Variants in PLA2G4C observed in about 807,000 individuals in gnomAD.
PLA2G4C encodes the protein cytosolic phospholipase A2 gamma.
PLA2G4C carries 64 observed loss-of-function variants against 73.8 expected under a neutral mutation model. The observed-to-expected ratio is 0.87, with a 90% CI of 0.71 to 1.07. PLA2G4C has a LOEUF of 1.07. PLA2G4C is among the 50% of genes least tolerant of loss of function. The probability of loss-of-function intolerance (pLI) is 0.00; values close to 1 mark genes in which losing one functional copy is unlikely to be tolerated. For synonymous variants in PLA2G4C, 254 were observed against 252.1 expected, an observed-to-expected ratio of 1.01 and a Z score of -0.07; for missense variants, 622 against 665.4, an observed-to-expected ratio of 0.93 and a Z score of 0.72.
At chr19:48,083,392 C>CTTTTTTTTTTTTTTTGTTTTTTTTTTT (rs2030737845) in intron 10 of PLA2G4C, among the ~76,000 whole-genome samples, 1 of 105,838 alleles carries the variant, frequency 9.4e-6, no homozygotes, top group Non-Finnish European at 1.9e-5. Context: ...ATTTTCTTTT[C>CTTTTTTTTTTTTTTTGTTTTTTTTTTT]TTTTTTTTTT....
chr19:48,075,359 G>A (rs1364808070), intron 11 of PLA2G4C, among the ~76,000 whole-genome samples: 1 of 151,590 alleles, frequency 6.6e-6, no homozygotes, highest in Non-Finnish European at 1.5e-5. Context: ...GCTAATTTTT[G>A]TATTTTTAGT....
chr19:48,078,871 CTTTT>C (rs33976382), intron 10 of PLA2G4C, among the ~76,000 whole-genome samples: 4 of 137,970 alleles, frequency 2.9e-5, no homozygotes, highest in Non-Finnish European at 6.2e-5. Context: ...TCCTAAAATC[CTTTT>C]TTTTTTTTTT....
In PLA2G4C at chr19:48,074,825, A is replaced by G. The variant is rs3218742; in HGVS notation, c.948T>C (p.Asn316=). 2.5e-3 allele frequency: 4,088 copies of G among 1,612,898 alleles called. 95 individuals are homozygous for G. In the African/African-American group the frequency reaches 0.046, roughly 18 times the overall value. ...EHTWLTEMLE[N]WTRTSLEKQE... ...GCTTTTCCAGGGAGGTCCTGGTCCA[A>G]TTCTCGAGCATCTCAGTCAGCCAGG... Residue 316 remains asparagine (N), a synonymous_variant, in exon 12 of 17, where the codon AAT becomes AAC. Coordinates refer to ENST00000599921, the MANE Select transcript of PLA2G4C (RefSeq NM_003706.3).
chr19:48,074,210 C>A (rs1164665008), intron 12 of PLA2G4C, among the ~76,000 whole-genome samples: 1 of 152,114 alleles, frequency 6.6e-6, no homozygotes, highest in Non-Finnish European at 1.5e-5. Flanking sequence ...ATTCAGCTCC[C>A]ACTTATAAGT....
rs1967588114 is a variant in PLA2G4C at position 48,048,042 on chromosome 19, C to T, written c.*301G>A. The T allele has an allele frequency of 4.6e-6, 2 of 430,872 alleles. No homozygotes were observed. The highest frequency in any genetic ancestry group is 9.5e-5 in the Admixed American group (2 of 21,050). The allele number at this position is 430,872 out of a possible 1,614,324, so 26.7% of individuals were successfully genotyped here. On this transcript the variant is annotated 3_prime_UTR_variant, in exon 17 of 17. Transcript: ENST00000599921. ...GTCTGAACTATCACATTCATTCTGG[C>T]CATCTGGACATTGGACATGATGCTT...
chr19:48,095,683 T>A, intron 6 of PLA2G4C, 79 bp from the exon 7 acceptor site: 2 of 1,405,448 alleles, frequency 1.4e-6, no homozygotes, highest in Non-Finnish European at 1.0e-6. Flanking sequence ...AAGAAATCTA[T>A]TAATGAGGAA....
chr19:48,053,663 G>A (rs1013384173), intron 15 of PLA2G4C, among the ~76,000 whole-genome samples: 5 of 137,404 alleles, frequency 3.6e-5, no homozygotes, highest in Non-Finnish European at 6.2e-5. Context: ...GTGAGCCACC[G>A]CGCCTGGCCC....
intron 7 of PLA2G4C, among the ~76,000 whole-genome samples, chr19:48,091,278 C>A (rs1386792123): frequency 6.6e-6 from 1 of 151,420 alleles, no homozygotes; most frequent in Non-Finnish European, 1.5e-5. Flanking sequence ...CTCTGCCTCC[C>A]AGATTCAAGT....
chr19:48,097,868 C>T, intron 6 of PLA2G4C: 2 of 348,882 alleles, frequency 5.7e-6, no homozygotes, highest in Non-Finnish European at 1.0e-5. Context: ...ATCCTCCCAC[C>T]TCAGCCTCCC....
At chr19:48,091,986 T>C (rs2031330913) in intron 7 of PLA2G4C, among the ~76,000 whole-genome samples, 1 of 150,802 alleles carries the variant, frequency 6.6e-6, no homozygotes, top group Non-Finnish European at 1.5e-5. Context: ...GTGGAGAAAT[T>C]GGAAACCTGG....
chr19:48,096,643 G>A (rs2031584190), intron 6 of PLA2G4C: 1 of 152,240 alleles, frequency 6.6e-6, no homozygotes, highest in Admixed American at 6.5e-5. Flanking sequence ...GAGATGCCAG[G>A]AGACGCCCAA....
At chr19:48,076,348 T>C (rs920214394) in intron 11 of PLA2G4C, among the ~76,000 whole-genome samples, 3 of 152,124 alleles carry the variant, frequency 2.0e-5, no homozygotes, top group Non-Finnish European at 4.4e-5. Flanking sequence ...TGGTGCCCAA[T>C]ACTTCCAGGC....
chr19:48,100,520 G>A (rs539515869), intron 4 of PLA2G4C, among the ~76,000 whole-genome samples: 12 of 148,470 alleles, frequency 8.1e-5, no homozygotes, highest in Admixed American at 2.0e-4. Flanking sequence ...CAGAGGAATC[G>A]CTTGAACCCG....
intron 12 of PLA2G4C, among the ~76,000 whole-genome samples, chr19:48,071,729 G>A (rs1177297037): frequency 2.6e-5 from 4 of 152,096 alleles, no homozygotes; most frequent in Admixed American, 1.3e-4. Flanking sequence ...GACTACAGGC[G>A]TGAGCCATCA....
At chr19:48,057,929 A>C (rs1299885884) in intron 14 of PLA2G4C, among the ~76,000 whole-genome samples, 2 of 151,582 alleles carry the variant, frequency 1.3e-5, no homozygotes, top group Non-Finnish European at 2.9e-5. Flanking sequence ...TCAAGCTCCT[A>C]GACTCAGGTT....
chr19:48,053,187 G>A (rs1555740791), intron 15 of PLA2G4C, 40 bp from the exon 16 acceptor site: 2 of 1,476,610 alleles, frequency 1.4e-6, no homozygotes, highest in Non-Finnish European at 1.9e-6. Context: ...GGCATCATGA[G>A]TTTGGACAAT....
intron 16 of PLA2G4C, chr19:48,052,063 T>C (rs1158653865): frequency 6.6e-6 from 1 of 151,582 alleles, no homozygotes; most frequent in African/African-American, 2.4e-5. Flanking sequence ...AAATTATTTG[T>C]AGAGACTTGG....
At chr19:48,059,179 G>C (rs748064471) in intron 14 of PLA2G4C, among the ~76,000 whole-genome samples, 1 of 151,484 alleles carries the variant, frequency 6.6e-6, no homozygotes, top group African/African-American at 2.4e-5. Context: ...GCTGAGGCAG[G>C]AGAATTGCTT....
At chr19:48,079,107 A>T (rs2030370232) in intron 10 of PLA2G4C, among the ~76,000 whole-genome samples, 1 of 152,084 alleles carries the variant, frequency 6.6e-6, no homozygotes, top group Non-Finnish European at 1.5e-5. Flanking sequence ...ACCTCAGGTG[A>T]TCCACCCGCC....
Sources: gnomAD v4.1 joint callset for allele counts (sites outside exome capture counted in the v4.1 genomes callset) on GRCh38, gnomAD v4.1.1 for gene constraint, MANE v1.5 for transcripts, NCBI Gene and HGNC (gene_info 2026-07-23, HGNC 2026-07-21) for gene names.